The following RHBDL3 variants were observed in gnomAD, a reference collection of about 807,000 sequenced individuals.
RHBDL3 encodes rhomboid like 3.
Under a neutral mutation model 48.2 loss-of-function variants are expected in RHBDL3, and 28 were observed. The observed-to-expected ratio is 0.58, with a 90% confidence interval of 0.43 to 0.80. The LOEUF is 0.80. Among genes scored for constraint, RHBDL3 ranks in the 30% least tolerant of loss-of-function variants. The pLI is 0.00. For synonymous variants in RHBDL3, 208 were observed against 232.3 expected (o/e 0.90, Z 0.95); for missense variants, 464 against 542.7 (o/e 0.85, Z 1.44).
Position 32,265,933 on chromosome 17 carries a change from G to A in RHBDL3, c.-257G>A, listed in dbSNP as rs918068464. On this transcript the variant is annotated 5_prime_UTR_variant, in exon 1 of 9. Coordinates refer to ENST00000269051, the MANE Select transcript of RHBDL3 (RefSeq NM_138328.3). ...CCTCGGAGCCGGGCGCGAGGGCCGGGGCGGAGGCGGAGGCCGGCGGGGCAG... is the reference window on the plus strand; with the variant it reads ...CCTCGGAGCCGGGCGCGAGGGCCGGAGCGGAGGCGGAGGCCGGCGGGGCAG... Among the ~76,000 whole-genome samples the A allele has an allele frequency of 1.4e-5, 2 of 146,888 alleles. No individual in the cohort carries two copies. Among genetic ancestry groups the A allele is most frequent in the African/African-American group, 4.9e-5 (2 of 40,900 alleles).
At chr17:32,268,042 G>A (rs1330578975) in intron 2 of RHBDL3, 117 bp downstream of exon 2, 4 of 824,216 alleles carry the variant, frequency 4.9e-6, no homozygotes, top group African/African-American at 3.3e-5. Flanking sequence ...GTGGGGTGGG[G>A]GTGTGGCTTT....
Position 32,288,931 on chromosome 17 carries a change from C to T in RHBDL3, c.434C>T (p.Pro145Leu). The change falls in exon 4 of 9, where the codon CCC (proline) becomes CTC (leucine). Residue 145 changes from proline (P) to leucine (L), a missense_variant. Transcript: ENST00000269051. ...LIRHVAYETL[P>L]REIDRKWYYD... ...CGCCATGTGGCCTATGAGACCCTGC[C>T]CCGGGAAATTGACCGCAAGTGGTAC... The T allele has an allele frequency of 6.2e-7, 1 of 1,614,180 alleles. No individual in the cohort carries two copies. Among genetic ancestry groups the T allele is most frequent in the Non-Finnish European group, 8.5e-7 (1 of 1,180,030 alleles).
intron 7 of RHBDL3, among the ~76,000 whole-genome samples, chr17:32,311,422 C>T (rs1338584205): frequency 1.3e-5 from 2 of 152,194 alleles, no homozygotes; most frequent in Non-Finnish European, 1.5e-5. Context: ...GTCATATTTA[C>T]TGGCGTTTTT....
At chr17:32,319,421 CAAA>C (rs541383037) in intron 8 of RHBDL3, among the ~76,000 whole-genome samples, 59 of 79,832 alleles carry the variant, frequency 7.4e-4, no homozygotes, top group African/African-American at 2.8e-3. Context: ...GATTCCGTCT[CAAA>C]AAAAAAAAAA....
At chr17:32,302,210 G>T (rs940557974) in intron 6 of RHBDL3, among the ~76,000 whole-genome samples, 2 of 152,168 alleles carry the variant, frequency 1.3e-5, no homozygotes, top group African/African-American at 2.4e-5. Flanking sequence ...CTCTGGAGGG[G>T]ATTCCTCCCT....
chr17:32,290,865 G>T (rs1198773073), intron 4 of RHBDL3, among the ~76,000 whole-genome samples: 1 of 152,034 alleles, frequency 6.6e-6, no homozygotes, highest in African/African-American at 2.4e-5. Context: ...GCCAGGCATG[G>T]TGGTACATGC....
intron 5 of RHBDL3, among the ~76,000 whole-genome samples, chr17:32,294,766 T>C (rs983564498): frequency 1.3e-5 from 2 of 148,502 alleles, no homozygotes; most frequent in African/African-American, 5.2e-5. Context: ...CTAGAGCTTT[T>C]GCTTTGGCCA....
chr17:32,305,890 C>T (rs1174853026), intron 7 of RHBDL3, among the ~76,000 whole-genome samples: 1 of 149,606 alleles, frequency 6.7e-6, no homozygotes, highest in African/African-American at 2.5e-5. Context: ...TGCACTCCAG[C>T]CTGGGGGAGA....
chr17:32,275,026 T>C (rs1302974765), intron 2 of RHBDL3, among the ~76,000 whole-genome samples: 3 of 152,094 alleles, frequency 2.0e-5, no homozygotes. Flanking sequence ...TGCATCTTGC[T>C]CCCCTCCTTC....
intron 2 of RHBDL3, among the ~76,000 whole-genome samples, chr17:32,270,529 G>T (rs1431033251): frequency 6.6e-6 from 1 of 151,994 alleles, no homozygotes; most frequent in East Asian, 1.9e-4. Flanking sequence ...GAACTAAATG[G>T]CCAGGATACC....
At chr17:32,286,013 C>T (rs781644887) in intron 3 of RHBDL3, among the ~76,000 whole-genome samples, 95 of 152,188 alleles carry the variant, frequency 6.2e-4, no homozygotes, top group Non-Finnish European at 1.1e-3. Context: ...AGAGTGGACC[C>T]GGGGAGCAGA....
At chr17:32,319,776 C>G (rs1195839989) in intron 8 of RHBDL3, among the ~76,000 whole-genome samples, 1 of 152,180 alleles carries the variant, frequency 6.6e-6, no homozygotes, top group Non-Finnish European at 1.5e-5. Context: ...GTATAAAATT[C>G]CCCTCAAAGG....
intron 6 of RHBDL3, among the ~76,000 whole-genome samples, chr17:32,303,758 G>A (rs1405925750): frequency 1.7e-4 from 26 of 152,076 alleles, no homozygotes; most frequent in Admixed American, 1.6e-3. Flanking sequence ...TGATGGAGGT[G>A]GGGGCAGGGG....
At chr17:32,287,754 T>C (rs1201921731) in intron 3 of RHBDL3, among the ~76,000 whole-genome samples, 1 of 152,036 alleles carries the variant, frequency 6.6e-6, no homozygotes, top group East Asian at 1.9e-4. Context: ...ACACTGATAA[T>C]CCCCACACCA....
chr17:32,307,838 C>T (rs771220514), intron 7 of RHBDL3, among the ~76,000 whole-genome samples: 3 of 152,122 alleles, frequency 2.0e-5, no homozygotes, highest in Non-Finnish European at 2.9e-5. Flanking sequence ...TCCTCCACTC[C>T]CCCCTCCCCC....
chr17:32,292,682 A>G (rs1210791264), intron 4 of RHBDL3, among the ~76,000 whole-genome samples: 1 of 151,816 alleles, frequency 6.6e-6, no homozygotes, highest in Non-Finnish European at 1.5e-5. Context: ...CACACGTCTA[A>G]TCCCAGCTAC....
At chr17:32,278,220 C>T (rs2039958973) in intron 2 of RHBDL3, among the ~76,000 whole-genome samples, 1 of 152,176 alleles carries the variant, frequency 6.6e-6, no homozygotes, top group South Asian at 2.1e-4. Context: ...ATTGCTTGAA[C>T]CTGGGAGGTG....
intron 2 of RHBDL3, among the ~76,000 whole-genome samples, chr17:32,277,276 G>A (rs950557536): frequency 3.3e-5 from 5 of 152,248 alleles, no homozygotes; most frequent in African/African-American, 1.2e-4. Flanking sequence ...AAGCCTTGGA[G>A]GCAGAGACCA....
At chr17:32,303,237 C>T (rs1261069538) in intron 6 of RHBDL3, among the ~76,000 whole-genome samples, 3 of 152,074 alleles carry the variant, frequency 2.0e-5, no homozygotes, top group Non-Finnish European at 2.9e-5. Context: ...GGGGCAGGGG[C>T]GAGGGAGTGG....
Sources: allele counts gnomAD v4.1 joint callset (sites outside exome capture counted in the v4.1 genomes callset), GRCh38; gene constraint gnomAD v4.1.1; transcripts MANE v1.5; gene names NCBI Gene and HGNC (gene_info 2026-07-23, HGNC 2026-07-21).